The following SLCO5A1 variants were observed in gnomAD, a reference collection of about 807,000 sequenced individuals.
SLCO5A1 encodes the protein organic anion transporter polypeptide-related protein 4.
SLCO5A1 carries 39 observed loss-of-function variants against 65.1 expected under a neutral mutation model. The ratio of observed to expected loss-of-function variants is 0.60; its 90% CI spans 0.46 to 0.78. SLCO5A1 has a LOEUF of 0.78. Among genes scored for constraint, SLCO5A1 ranks in the 30% least tolerant of loss-of-function variants. The pLI is 0.00. For synonymous variants in SLCO5A1, 438 were observed against 415.7 expected, an observed-to-expected ratio of 1.05 and a Z score of -0.65; for missense variants, 1,029 against 1,069.4, an observed-to-expected ratio of 0.96 and a Z score of 0.53.
chr8:69,699,698 C>CA (rs1814642420), intron 6 of SLCO5A1, among the ~76,000 whole-genome samples: 1 of 152,108 alleles, frequency 6.6e-6, no homozygotes, highest in Non-Finnish European at 1.5e-5. Context: ...TTATAGGACA[C>CA]AGAGACAAAT....
chr8:69,753,046 T>C (rs1214869670), intron 4 of SLCO5A1, among the ~76,000 whole-genome samples: 1 of 152,190 alleles, frequency 6.6e-6, no homozygotes, highest in Non-Finnish European at 1.5e-5. Flanking sequence ...ACATTCAATT[T>C]CCAAAAATCA....
Position 69,825,840 on chromosome 8 carries a change from G to A in SLCO5A1, c.907+5927C>T, listed in dbSNP as rs548199906. On this transcript the variant is annotated intron_variant, in intron 2 of 9. Transcript: ENST00000260126. ...TTGCCAAGTCAATCCTAAGCCAAAA[G>A]AACAAAGCTGGAGGCATCACACTAC... Among the ~76,000 whole-genome samples, 1,472 of 152,222 alleles carry A rather than the reference G, an allele frequency of 9.7e-3. 20 individuals are homozygous for A. Among genetic ancestry groups the A allele is most frequent in the African/African-American group, 0.033 (1,372 of 41,530 alleles).
intron 2 of SLCO5A1, among the ~76,000 whole-genome samples, chr8:69,775,198 A>G (rs997190176): frequency 6.6e-6 from 1 of 152,220 alleles, no homozygotes; most frequent in Admixed American, 6.5e-5. Context: ...CCTCGCTGCC[A>G]TAGAGAGAAA....
intron 2 of SLCO5A1, among the ~76,000 whole-genome samples, chr8:69,801,468 C>G (rs1331244835): frequency 6.6e-6 from 1 of 152,094 alleles, no homozygotes; most frequent in Non-Finnish European, 1.5e-5. Context: ...GTATTCAAAT[C>G]AACTATGAAT....
intron 2 of SLCO5A1, among the ~76,000 whole-genome samples, chr8:69,827,392 T>A (rs1261232448): frequency 1.3e-5 from 2 of 152,206 alleles, no homozygotes; most frequent in Non-Finnish European, 2.9e-5. Flanking sequence ...CCTAGTCAAT[T>A]CTAAGCCTCT....
Position 69,832,463 on chromosome 8 carries a change from C to G in SLCO5A1, c.211G>C (p.Glu71Gln). The G allele has an allele frequency of 1.9e-6, 3 of 1,613,020 alleles. No homozygotes were observed. The highest frequency in any genetic ancestry group is 2.5e-6 in the Non-Finnish European group (3 of 1,179,602). Residue 71 changes from glutamate to glutamine, a missense_variant, in exon 2 of 10, where the codon GAG becomes CAG. Glu to Gln is a conservative substitution (Grantham distance 29). This residue lies in a region of SLCO5A1 where 647 missense variants were observed against 647.5 expected (regional missense o/e 1.00). Coordinates refer to ENST00000260126, the MANE Select transcript of SLCO5A1 (RefSeq NM_030958.3). The surrounding 1 kb of genome is among the most constrained non-coding windows in gnomAD (Gnocchi z 4.5). Reference sequence around the variant, plus strand: ...AACGGGTTCGGGCCTTGCTTCAACTCCTGGTGGCCCGAAGAATCCACACAG... The same window carrying G: ...AACGGGTTCGGGCCTTGCTTCAACTGCTGGTGGCCCGAAGAATCCACACAG... ...FGCVDSSGHQ[E>Q]LKQGPNPLAP...
chr8:69,709,945 C>T (rs141158494), intron 5 of SLCO5A1, among the ~76,000 whole-genome samples: 402 of 149,886 alleles, frequency 2.7e-3, no homozygotes, highest in African/African-American at 9.4e-3. Flanking sequence ...CTGAGATTAA[C>T]TTAAAGTCAG....
intron 5 of SLCO5A1, among the ~76,000 whole-genome samples, chr8:69,711,556 C>T (rs1192385160): frequency 1.3e-5 from 2 of 152,216 alleles, no homozygotes; most frequent in Non-Finnish European, 2.9e-5. Context: ...GCACCCGAGG[C>T]CCGAGGTGCC....
intron 2 of SLCO5A1, among the ~76,000 whole-genome samples, chr8:69,793,451 T>C (rs1048922657): frequency 6.6e-6 from 1 of 152,034 alleles, no homozygotes; most frequent in Non-Finnish European, 1.5e-5. Context: ...GTCTTTTTTT[T>C]CCTATGTCAA....
intron 2 of SLCO5A1, among the ~76,000 whole-genome samples, chr8:69,783,568 T>C (rs1818893445): frequency 1.3e-5 from 2 of 152,210 alleles, no homozygotes; most frequent in Admixed American, 6.5e-5. Context: ...AGGATGATGA[T>C]GATGATGTCA....
chr8:69,732,596 C>T (rs1443045861), intron 5 of SLCO5A1, among the ~76,000 whole-genome samples: 1 of 152,136 alleles, frequency 6.6e-6, no homozygotes, highest in Non-Finnish European at 1.5e-5. Context: ...TACAGTGGCT[C>T]ACATCTGTAA....
chr8:69,753,838 C>T (rs1042016316), intron 4 of SLCO5A1, among the ~76,000 whole-genome samples: 3 of 147,368 alleles, frequency 2.0e-5, no homozygotes, highest in Non-Finnish European at 3.0e-5. Context: ...TGGTGGAATA[C>T]CATCTCTGCT....
At chr8:69,822,599 C>G (rs1360369049) in intron 2 of SLCO5A1, among the ~76,000 whole-genome samples, 1 of 152,176 alleles carries the variant, frequency 6.6e-6, no homozygotes, top group African/African-American at 2.4e-5. Flanking sequence ...AGCAAACTAT[C>G]TCTCACTCCC....
chr8:69,701,655 C>T (rs1814739494), intron 6 of SLCO5A1, among the ~76,000 whole-genome samples: 1 of 152,160 alleles, frequency 6.6e-6, no homozygotes, highest in Non-Finnish European at 1.5e-5. Context: ...GCCCCTGCTT[C>T]GAGTTGTCCC....
intron 6 of SLCO5A1, among the ~76,000 whole-genome samples, chr8:69,699,838 G>T (rs958039560): frequency 2.0e-5 from 3 of 152,218 alleles, no homozygotes; most frequent in Non-Finnish European, 4.4e-5. Context: ...AATATGATAG[G>T]CTGGGTGAGG....
At chr8:69,738,666 A>G (rs1816671011) in intron 4 of SLCO5A1, among the ~76,000 whole-genome samples, 1 of 152,232 alleles carries the variant, frequency 6.6e-6, no homozygotes, top group Non-Finnish European at 1.5e-5. Flanking sequence ...GTGGGCATCT[A>G]CATGATGTTA....
At chr8:69,684,536 A>G (rs970431717) in intron 6 of SLCO5A1, among the ~76,000 whole-genome samples, 4 of 152,200 alleles carry the variant, frequency 2.6e-5, no homozygotes, top group African/African-American at 9.6e-5. Context: ...AAATGATGCC[A>G]TGGCAAATGG....
intron 6 of SLCO5A1, among the ~76,000 whole-genome samples, chr8:69,684,407 C>T (rs1813921050): frequency 6.6e-6 from 1 of 152,160 alleles, no homozygotes; most frequent in African/African-American, 2.4e-5. Flanking sequence ...AGCAAAGAAA[C>T]TGGCCAAATC....
At position 69,671,154 on chromosome 8, in the gene SLCO5A1, T is replaced by C. The variant is rs1049207595; in HGVS notation, c.*1715A>G. On this transcript the variant is annotated 3_prime_UTR_variant, in exon 10 of 10. Coordinates refer to ENST00000260126, the MANE Select transcript of SLCO5A1 (RefSeq NM_030958.3). ...CACCCCTTGTAGACATTGTTCAGTC[T>C]AACAGTGTTAACACAAACTGTATGC... 1.3e-5 allele frequency: 2 copies of C among 152,180 alleles called. No homozygotes were observed. Among genetic ancestry groups the C allele is most frequent in the African/African-American group, 4.8e-5 (2 of 41,446 alleles). The allele number at this position is 152,180 out of a possible 1,614,324, so 9.4% of individuals were successfully genotyped here.
Sources: gnomAD v4.1 joint callset for allele counts (sites outside exome capture counted in the v4.1 genomes callset) on GRCh38, gnomAD v4.1.1 for gene constraint, gnomAD v4.1.1 regional missense constraint, Gnocchi (gnomAD v3.1) non-coding constraint, MANE v1.5 for transcripts, NCBI Gene and HGNC (gene_info 2026-07-23, HGNC 2026-07-21) for gene names.